Variants in OTOP1 observed in about 807,000 individuals in gnomAD.
OTOP1 encodes the protein proton channel OTOP1.
Under a neutral mutation model 52.9 loss-of-function variants are expected in OTOP1, and 59 were observed. That is an observed-to-expected ratio of 1.12 (90% CI 0.91 to 1.39). The LOEUF is 1.39. Among genes scored for constraint, OTOP1 ranks in the 40% most tolerant of loss-of-function variants. OTOP1 has a pLI of 0.00. For synonymous variants in OTOP1, 317 were observed against 337.7 expected (o/e 0.94, Z 0.67); for missense variants, 761 against 800.9 (o/e 0.95, Z 0.60).
At position 4,223,599 on chromosome 4, in the gene OTOP1, G is replaced by T. The variant is rs563131825; in HGVS notation, c.403+2863C>A. Among the ~76,000 whole-genome samples, 16 of 152,104 alleles carry T rather than the reference G, an allele frequency of 1.1e-4. No individual in the cohort carries two copies. In the East Asian group the frequency reaches 3.1e-3, roughly 29 times the overall value. ...GGAGCAGAAGGAGAAGGAGAAGGAG[G>T]AACATTCTAAATGCACCAGGCCGGG... On this transcript the variant is annotated intron_variant, in intron 1 of 5. Coordinates refer to ENST00000296358, the MANE Select transcript of OTOP1 (RefSeq NM_177998.3).
chr4:4,206,287 T>C (rs1716905228), intron 2 of OTOP1, among the ~76,000 whole-genome samples, 157 bp from the exon 3 acceptor site: 1 of 152,194 alleles, frequency 6.6e-6, no homozygotes, highest in African/African-American at 2.4e-5. Context: ...CACTCCTCAA[T>C]GGGGACAATG....
At chr4:4,225,753 G>A (rs1717416387) in intron 1 of OTOP1, among the ~76,000 whole-genome samples, 2 of 152,092 alleles carry the variant, frequency 1.3e-5, no homozygotes, top group African/African-American at 4.8e-5. Flanking sequence ...CAGGCCCTGA[G>A]GTGGCTCTAG....
At position 4,199,650 on chromosome 4, in the gene OTOP1, A is replaced by G. The variant is rs1716735699; in HGVS notation, c.731-1547T>C. On this transcript the variant is annotated intron_variant, in intron 4 of 5. Coordinates refer to ENST00000296358, the MANE Select transcript of OTOP1 (RefSeq NM_177998.3). ...CTGGTCTTGAACTCCTGAGCTCATG[A>G]GATCCGCCTGCCTCCGCCTCCCAAA... Among the ~76,000 whole-genome samples the G allele has an allele frequency of 2.0e-5, 3 of 152,258 alleles. No homozygotes were observed. The South Asian group carries it at 6.2e-4, about 32-fold the overall frequency.
Position 4,197,833 on chromosome 4 carries a change from A to G in OTOP1, c.1001T>C (p.Ile334Thr), listed in dbSNP as rs1405721016. The stretch of plus-strand genomic sequence containing the variant: ...CTTGGTCTTGGAGCGCCCAATATGA[A>G]TCAGGTATACCACCACCACAGCAAT... ...ATIAVVVVYL[I>T]HIGRSKTKSE... The change falls in exon 5 of 6, where the codon ATT becomes ACT. Residue 334 changes from isoleucine (I) to threonine (T), a missense_variant. By Grantham distance (89) the Ile-to-Thr change is moderately conservative (BLOSUM62 -1). Transcript: ENST00000296358. 6.2e-7 allele frequency: 1 copy of G among 1,613,938 alleles called. No individual in the cohort carries two copies. The highest frequency in any genetic ancestry group is 8.5e-7 in the Non-Finnish European group (1 of 1,179,974).
chr4:4,214,207 A>G (rs1717086578), intron 1 of OTOP1, among the ~76,000 whole-genome samples: 1 of 152,210 alleles, frequency 6.6e-6, no homozygotes, highest in Admixed American at 6.5e-5. Context: ...AAAGATGCTC[A>G]CCATCACTAA....
intron 3 of OTOP1, among the ~76,000 whole-genome samples, chr4:4,204,977 T>C (rs540508238): frequency 6.6e-6 from 1 of 152,266 alleles, no homozygotes; most frequent in South Asian, 2.1e-4. Context: ...TTTCACCACA[T>C]TGGCCAGGCT....
chr4:4,201,718 T>G (rs947463444), intron 4 of OTOP1, among the ~76,000 whole-genome samples: 8 of 152,106 alleles, frequency 5.3e-5, no homozygotes, highest in Admixed American at 5.2e-4. Context: ...TGCAAGTGCA[T>G]GATTTGGATA....
chr4:4,200,589 T>G (rs1024323441), intron 4 of OTOP1, among the ~76,000 whole-genome samples: 32 of 151,592 alleles, frequency 2.1e-4, no homozygotes, highest in African/African-American at 7.5e-4. Context: ...GGTCTCCCTC[T>G]GTTGCCCAGG....
intron 5 of OTOP1, among the ~76,000 whole-genome samples, chr4:4,196,406 A>C (rs970850501): frequency 2.6e-5 from 4 of 152,088 alleles, no homozygotes; most frequent in Non-Finnish European, 4.4e-5. Context: ...TATTTTCAAA[A>C]ATTAGCCAAG....
At chr4:4,199,078 G>T (rs867039328) in intron 4 of OTOP1, among the ~76,000 whole-genome samples, 1 of 151,982 alleles carries the variant, frequency 6.6e-6, no homozygotes. Flanking sequence ...AATACCAGCT[G>T]CTTGGGAGGC....
intron 3 of OTOP1, among the ~76,000 whole-genome samples, chr4:4,205,816 G>A (rs558154039): frequency 6.6e-6 from 1 of 152,212 alleles, no homozygotes; most frequent in African/African-American, 2.4e-5. Flanking sequence ...GCAACTGAGG[G>A]TCATAACAGA....
intron 3 of OTOP1, among the ~76,000 whole-genome samples, chr4:4,203,350 T>C (rs1716830596): frequency 6.6e-6 from 1 of 152,210 alleles, no homozygotes; most frequent in Non-Finnish European, 1.5e-5. Flanking sequence ...AGAAAAAGCC[T>C]GCTCGGTAAT....
chr4:4,219,574 T>G (rs142751778), intron 1 of OTOP1, among the ~76,000 whole-genome samples: 11 of 151,446 alleles, frequency 7.3e-5, no homozygotes, highest in Admixed American at 2.6e-4. Flanking sequence ...TGGTGGCGGG[T>G]GCCTCCATGC....
Position 4,226,716 on chromosome 4 carries a change from C to A in OTOP1, c.149G>T (p.Arg50Leu). 1 of 1,420,626 alleles carries A rather than the reference C, an allele frequency of 7.0e-7. No individual in the cohort carries two copies. The highest frequency in any genetic ancestry group is 2.9e-5 in the East Asian group (1 of 33,930). The allele number at this position is 1,420,626 out of a possible 1,614,324, so 88.0% of individuals were successfully genotyped here. A position where few individuals can be genotyped will look rare whatever the true frequency, so the allele number is the denominator to read the frequency against. The change falls in exon 1 of 6, where the codon CGC becomes CTC. Residue 50 changes from arginine to leucine, a missense_variant. By Grantham distance (102) the Arg-to-Leu change is moderately radical. Coordinates refer to ENST00000296358, the MANE Select transcript of OTOP1 (RefSeq NM_177998.3). The part of the protein sequence containing the change: ...ESPAPRRGGV[R>L]ASVPQKLAEM... Reference sequence around the variant, plus strand: ...GGCCAGTTTCTGTGGGACGCTGGCGCGCACACCGCCCCGCCGGGGGGCCGG... The same window carrying A: ...GGCCAGTTTCTGTGGGACGCTGGCGAGCACACCGCCCCGCCGGGGGGCCGG...
At chr4:4,201,479 C>CACACACACACAT (rs2108799006) in intron 4 of OTOP1, among the ~76,000 whole-genome samples, 1 of 150,880 alleles carries the variant, frequency 6.6e-6, no homozygotes, top group East Asian at 1.9e-4. Context: ...TATACACACA[C>CACACACACACAT]ACACACACAC....
Position 4,226,487 on chromosome 4 carries a change from C to G in OTOP1, c.378G>C (p.Thr126=). The G allele has an allele frequency of 6.4e-7, 1 of 1,555,550 alleles. No homozygotes were observed. Among genetic ancestry groups the G allele is most frequent in the Non-Finnish European group, 8.6e-7 (1 of 1,158,858 alleles). The change falls in exon 1 of 6, where the codon ACG becomes ACC. Residue 126 remains threonine, a synonymous_variant. Transcript: ENST00000296358. ...AHRRLFRLKD[T]HAGAGWLRGS... The stretch of plus-strand genomic sequence containing the variant: ...CGCGCAGCCAGCCGGCACCCGCGTG[C>G]GTGTCCTTGAGGCGGAAGAGGCGGC...
At chr4:4,204,975 C>T (rs1430655751) in intron 3 of OTOP1, among the ~76,000 whole-genome samples, 1 of 152,032 alleles carries the variant, frequency 6.6e-6, no homozygotes, top group Non-Finnish European at 1.5e-5. Flanking sequence ...GGTTTCACCA[C>T]ATTGGCCAGG....
chr4:4,224,614 TCA>T (rs1400174665), intron 1 of OTOP1, among the ~76,000 whole-genome samples: 4 of 152,144 alleles, frequency 2.6e-5, no homozygotes, highest in African/African-American at 9.7e-5. Flanking sequence ...TCACTGTCAT[TCA>T]CAGAGTCACA....
intron 4 of OTOP1, among the ~76,000 whole-genome samples, chr4:4,200,473 T>TAA (rs140931122): frequency 0.023 from 3,269 of 139,818 alleles, 132 homozygotes; most frequent in African/African-American, 0.078. Context: ...AGACTCCGTC[T>TAA]AAAAAAAAAA....
Sources: allele counts gnomAD v4.1 joint callset (sites outside exome capture counted in the v4.1 genomes callset), GRCh38; gene constraint gnomAD v4.1.1; transcripts MANE v1.5; gene names NCBI Gene and HGNC (gene_info 2026-07-23, HGNC 2026-07-21).